Variants in NEMP2 observed in about 807,000 individuals in gnomAD.
NEMP2 encodes nuclear envelope integral membrane protein 2, also known as UPF0571 transmembrane protein.
Under a neutral mutation model 54.2 loss-of-function variants are expected in NEMP2, and 53 were observed. That is an observed-to-expected ratio of 0.98 (90% confidence interval 0.78 to 1.23). NEMP2 has a LOEUF of 1.23. Among genes scored for constraint, NEMP2 ranks in the 50% most tolerant of loss-of-function variants. The probability of loss-of-function intolerance (pLI) is 0.00; values close to 1 mark genes in which losing one functional copy is unlikely to be tolerated. For synonymous variants in NEMP2, 197 were observed against 190.3 expected (o/e 1.04, Z -0.29); for missense variants, 455 against 511.3 (o/e 0.89, Z 1.06).
At chr2:190,460,374 C>T in the NEMP2 span, among the ~76,000 whole-genome samples, 2 of 152,150 alleles carry the variant, frequency 1.3e-5, no homozygotes, top group African/African-American at 2.4e-5. Context: ...TATTCCTATA[C>T]CATAATCAGA....
chr2:190,647,239 A>G, the NEMP2 span, among the ~76,000 whole-genome samples: 1 of 152,248 alleles, frequency 6.6e-6, no homozygotes, highest in Non-Finnish European at 1.5e-5. Context: ...TGTCACTAAT[A>G]CTGAAGAAAA....
At chr2:190,497,832 G>A in the NEMP2 span, 1 of 1,284,496 alleles carries the variant, frequency 7.8e-7, no homozygotes, top group Admixed American at 2.2e-5. This position sits in a 1 kb window ranked among gnomAD's most constrained non-coding sequence, Gnocchi z 5.2. Flanking sequence ...AGTCTGGTGG[G>A]GGAAATAGAC....
chr2:190,579,914 G>A, the NEMP2 span, among the ~76,000 whole-genome samples: 1 of 152,192 alleles, frequency 6.6e-6, no homozygotes, highest in Admixed American at 6.5e-5. Context: ...TGACCACCCA[G>A]TTCAGACATA....
the NEMP2 span, among the ~76,000 whole-genome samples, chr2:190,453,365 A>G: frequency 6.6e-6 from 1 of 152,212 alleles, no homozygotes; most frequent in East Asian, 1.9e-4. Flanking sequence ...GCCCATTGGA[A>G]AGTTGCATTG....
At chr2:190,615,450 T>C in the NEMP2 span, among the ~76,000 whole-genome samples, 18 of 152,234 alleles carry the variant, frequency 1.2e-4, no homozygotes, top group Non-Finnish European at 2.1e-4. The surrounding 1 kb of genome is among the most constrained non-coding windows in gnomAD (Gnocchi z 4.7). Flanking sequence ...GCAGGGCACA[T>C]GTGAAGGGCA....
At chr2:190,534,770 G>T (rs1691310621), upstream of NEMP2, 1 of 764,256 alleles carries the variant, frequency 1.3e-6, no homozygotes, top group Non-Finnish European at 1.8e-6. Flanking sequence ...GCCCGAACGC[G>T]GGAAAGGCGG....
chr2:190,614,961 TC>T, the NEMP2 span, among the ~76,000 whole-genome samples: 6 of 152,160 alleles, frequency 3.9e-5, no homozygotes, highest in Non-Finnish European at 8.8e-5. This position sits in a 1 kb window ranked among gnomAD's most constrained non-coding sequence, Gnocchi z 5.7. Context: ...TATAACATCA[TC>T]CATTACAGTT....
the NEMP2 span, among the ~76,000 whole-genome samples, chr2:190,580,980 CCT>C: frequency 6.6e-6 from 1 of 152,100 alleles, no homozygotes; most frequent in African/African-American, 2.4e-5. This position sits in a 1 kb window ranked among gnomAD's most constrained non-coding sequence, Gnocchi z 5.3. Flanking sequence ...TGGATTCCAC[CCT>C]GTTTCTCTTC....
chr2:190,503,966 T>A (rs762127686), downstream of NEMP2, among the ~76,000 whole-genome samples: 1 of 152,166 alleles, frequency 6.6e-6, no homozygotes, highest in Non-Finnish European at 1.5e-5. The surrounding 1 kb of genome is among the most constrained non-coding windows in gnomAD (Gnocchi z 6.3). Flanking sequence ...TGTACCTAAC[T>A]CTCAACCAGC....
rs1056126016 is a variant in NEMP2 at position 190,531,803 on chromosome 2, C to T, written c.97+2756G>A. ...AAGTTAAAGAGTTGAGTCATATATA[C>T]GGAAAAAAAAACCTCAGTCAAAACA... On this transcript the variant is annotated intron_variant, in intron 1 of 8. Coordinates refer to ENST00000409150, the MANE Select transcript of NEMP2 (RefSeq NM_001142645.2). The surrounding 1 kb of genome is among the most constrained non-coding windows in gnomAD (Gnocchi z 4.7). Among the ~76,000 whole-genome samples, 17 of 151,494 alleles carry T rather than the reference C, an allele frequency of 1.1e-4. No homozygotes were observed. Among genetic ancestry groups the T allele is most frequent in the East Asian group, 1.9e-4 (1 of 5,168 alleles).
chr2:190,494,253 C>G, the NEMP2 span, among the ~76,000 whole-genome samples: 45,635 of 151,732 alleles, frequency 0.3, 7,611 homozygotes, highest in East Asian at 0.46. The surrounding 1 kb of genome is among the most constrained non-coding windows in gnomAD (Gnocchi z 5.7). Flanking sequence ...CTGGAAAACG[C>G]AGAGGAGATA....
rs1690179763 is a variant in NEMP2, at chr2:190,506,071, A to G, written c.*3118T>C. On this transcript the variant is annotated 3_prime_UTR_variant, in exon 9 of 9. Coordinates refer to ENST00000409150, the MANE Select transcript of NEMP2 (RefSeq NM_001142645.2). The surrounding 1 kb of genome is among the most constrained non-coding windows in gnomAD (Gnocchi z 6.3). ...AGTCAAGTGTTTTTATCCTTATGCT[A>G]GTTATATTTTTGGTTGTGAATCACT... 1 of 152,214 alleles carries G rather than the reference A, an allele frequency of 6.6e-6. No homozygotes were observed. The highest frequency in any genetic ancestry group is 1.5e-5 in the Non-Finnish European group (1 of 68,046). The allele number at this position is 152,214 out of a possible 1,614,324, so 9.4% of individuals were successfully genotyped here. A position where few individuals can be genotyped will look rare whatever the true frequency, so the allele number is the denominator to read the frequency against.
the NEMP2 span, among the ~76,000 whole-genome samples, chr2:190,640,168 ATATCT>A: frequency 6.6e-6 from 1 of 152,154 alleles, no homozygotes; most frequent in Non-Finnish European, 1.5e-5. Context: ...CATCATATAG[ATATCT>A]TATTTAACTA....
downstream of NEMP2, among the ~76,000 whole-genome samples, chr2:190,503,916 G>A (rs907367580): frequency 5.9e-5 from 9 of 152,168 alleles, no homozygotes; most frequent in Non-Finnish European, 1.3e-4. The surrounding 1 kb of genome is among the most constrained non-coding windows in gnomAD (Gnocchi z 6.3). Flanking sequence ...TCTAACATGG[G>A]GGGAAAGTGA....
the NEMP2 span, among the ~76,000 whole-genome samples, chr2:190,643,293 G>C: frequency 5.3e-5 from 8 of 152,228 alleles, no homozygotes; most frequent in East Asian, 9.6e-4. Flanking sequence ...ATGGGAGTTA[G>C]GGAAAGCAGA....
At chr2:190,455,869 GC>G in the NEMP2 span, among the ~76,000 whole-genome samples, 1 of 147,388 alleles carries the variant, frequency 6.8e-6, no homozygotes, top group Admixed American at 6.8e-5. Context: ...AAAATTTCTA[GC>G]CATAAAAGTT....
chr2:190,571,475 G>A, the NEMP2 span, among the ~76,000 whole-genome samples: 7 of 152,166 alleles, frequency 4.6e-5, no homozygotes, highest in East Asian at 1.9e-4. Context: ...CTCAGGAGAC[G>A]GAGGTTGCAG....
chr2:190,643,580 A>T, the NEMP2 span, among the ~76,000 whole-genome samples: 2 of 152,200 alleles, frequency 1.3e-5, no homozygotes, highest in African/African-American at 4.8e-5. Flanking sequence ...TGCATACTTT[A>T]TAGCGCTGTT....
At chr2:190,565,137 C>T in the NEMP2 span, among the ~76,000 whole-genome samples, 1 of 151,082 alleles carries the variant, frequency 6.6e-6, no homozygotes, top group Admixed American at 6.6e-5. Context: ...GCTACTCCCT[C>T]CTGCTCCAGG....
Sources: gnomAD v4.1 joint callset for allele counts (sites outside exome capture counted in the v4.1 genomes callset) on GRCh38, gnomAD v4.1.1 for gene constraint, Gnocchi (gnomAD v3.1) non-coding constraint, MANE v1.5 for transcripts, NCBI Gene and HGNC (gene_info 2026-07-23, HGNC 2026-07-21) for gene names.